The following GRIK1 variants were observed in gnomAD, a reference collection of about 807,000 sequenced individuals.
The protein encoded by GRIK1 is glutamate ionotropic receptor kainate type subunit 1.
GRIK1 carries 69 observed loss-of-function variants against 105.7 expected under a neutral mutation model. The ratio of observed to expected loss-of-function variants is 0.65; its 90% CI spans 0.54 to 0.80. The LOEUF is 0.80. GRIK1 is among the 30% of genes least tolerant of loss of function. The probability of loss-of-function intolerance (pLI) is 0.00; values close to 1 mark genes in which losing one functional copy is unlikely to be tolerated. For synonymous variants in GRIK1, 438 were observed against 431.3 expected (o/e 1.02, Z -0.19); for missense variants, 1,109 against 1,167.3 (o/e 0.95, Z 0.73).
intron 1 of GRIK1, among the ~76,000 whole-genome samples, chr21:29,763,358 C>T (rs1042632098): frequency 8.7e-6 from 1 of 114,472 alleles, no homozygotes; most frequent in African/African-American, 3.5e-5. Flanking sequence ...GTTCATTAAA[C>T]CTCTTTTCTT....
At chr21:29,620,115 A>G (rs527283621) in intron 7 of GRIK1, among the ~76,000 whole-genome samples, 1 of 152,324 alleles carries the variant, frequency 6.6e-6, no homozygotes, top group African/African-American at 2.4e-5. Flanking sequence ...AGGCTAGTAT[A>G]AAGCCTATGA....
intron 4 of GRIK1, chr21:29,657,792 A>C (rs1223920761): frequency 6.6e-6 from 1 of 152,242 alleles, no homozygotes; most frequent in Non-Finnish European, 1.5e-5. Context: ...CCTGTCGTCT[A>C]ATTGTCGCAT....
chr21:29,812,655 GC>G (rs1175644005), intron 1 of GRIK1, among the ~76,000 whole-genome samples: 3 of 152,068 alleles, frequency 2.0e-5, no homozygotes, highest in African/African-American at 7.2e-5. Context: ...ATAACAACTA[GC>G]ATCAAGCATC....
At chr21:29,668,009 G>A (rs185303739) in intron 4 of GRIK1, among the ~76,000 whole-genome samples, 8 of 152,322 alleles carry the variant, frequency 5.3e-5, no homozygotes, top group Non-Finnish European at 1.2e-4. Context: ...TGGCAGAGAT[G>A]AGAGTATAGC....
rs552352945 is a variant in GRIK1 at position 29,684,795 on chromosome 21, C to T, written c.544+4933G>A. Among the ~76,000 whole-genome samples the T allele has an allele frequency of 2.6e-5, 4 of 152,340 alleles. No homozygotes were observed. The South Asian group carries it at 8.3e-4, about 32-fold the overall frequency. ...AAAGTGCTGGGATTATAGGCGTGAG[C>T]CACCACACCCGGCTGCAAAAACGCA... On this transcript the variant is annotated intron_variant, in intron 3 of 17. Coordinates refer to ENST00000327783, the MANE Select transcript of GRIK1 (RefSeq NM_001330994.2).
chr21:29,560,562 T>C (rs189266456), intron 15 of GRIK1, among the ~76,000 whole-genome samples: 20 of 119,564 alleles, frequency 1.7e-4, no homozygotes, highest in African/African-American at 5.5e-4. Flanking sequence ...CTTTCTTTCT[T>C]TCTTTCTTTC....
intron 7 of GRIK1, among the ~76,000 whole-genome samples, chr21:29,629,829 T>C (rs1412673216): frequency 1.3e-5 from 2 of 152,014 alleles, no homozygotes; most frequent in African/African-American, 4.8e-5. Context: ...AGAATGAAGG[T>C]AGTAAAGTTT....
At chr21:29,602,648 C>G (rs924572666) in intron 7 of GRIK1, among the ~76,000 whole-genome samples, 2 of 152,172 alleles carry the variant, frequency 1.3e-5, no homozygotes, top group Admixed American at 6.5e-5. Context: ...AGCAAAGATT[C>G]ATGTGCTGGG....
intron 14 of GRIK1, among the ~76,000 whole-genome samples, chr21:29,574,641 A>T (rs2090838890): frequency 6.6e-6 from 1 of 152,024 alleles, no homozygotes; most frequent in Non-Finnish European, 1.5e-5. Flanking sequence ...AAGAAGAAAC[A>T]ATCACCATGC....
intron 1 of GRIK1, among the ~76,000 whole-genome samples, chr21:29,924,805 G>A (rs2071305656): frequency 6.6e-6 from 1 of 151,956 alleles, no homozygotes; most frequent in South Asian, 2.1e-4. Context: ...TACCTTATTT[G>A]GGTTTCTTAA....
rs577488234 is a variant in GRIK1 at position 29,646,960 on chromosome 21, T to C, written c.955-3991A>G. Among the ~76,000 whole-genome samples, 26 of 152,076 alleles carry C rather than the reference T, an allele frequency of 1.7e-4. No homozygotes were observed. The East Asian group carries it at 2.3e-3, about 14-fold the overall frequency. ...TCCCTGGTTCAAGCGATTCTCCTGC[T>C]TCAGCCTCCTGAGTAGCTGGGATTA... is the stretch of plus-strand genomic sequence containing the variant. On this transcript the variant is annotated intron_variant, in intron 6 of 17. Transcript: ENST00000327783.
intron 1 of GRIK1, among the ~76,000 whole-genome samples, chr21:29,826,062 T>C (rs2067446968): frequency 6.6e-6 from 1 of 152,120 alleles, no homozygotes; most frequent in Admixed American, 6.6e-5. Flanking sequence ...AAAAGTGTAA[T>C]GCACAGAGCT....
intron 1 of GRIK1, among the ~76,000 whole-genome samples, chr21:29,873,588 T>C (rs1200995743): frequency 6.6e-6 from 1 of 152,224 alleles, no homozygotes; most frequent in African/African-American, 2.4e-5. Context: ...TTTATGATTA[T>C]ATTGTTCTTC....
intron 7 of GRIK1, among the ~76,000 whole-genome samples, chr21:29,628,214 C>T (rs74976102): frequency 7.2e-5 from 11 of 152,054 alleles, no homozygotes; most frequent in Admixed American, 7.2e-4. Flanking sequence ...GAAGTATACA[C>T]AATAATGGTG....
intron 16 of GRIK1, chr21:29,553,147 G>A (rs1368844704): frequency 1.2e-6 from 1 of 860,844 alleles, no homozygotes; most frequent in Non-Finnish European, 1.4e-6. Context: ...GAGACAGGGA[G>A]AAGAAAAGAG....
chr21:29,581,284 G>T (rs2091018169), intron 13 of GRIK1, 141 bp downstream of exon 13: 6 of 636,220 alleles, frequency 9.4e-6, no homozygotes, highest in Admixed American at 2.6e-5. Context: ...TTCAAAACCG[G>T]CTAGAAAGTC....
intron 1 of GRIK1, among the ~76,000 whole-genome samples, chr21:29,869,296 A>G (rs900683200): frequency 2.0e-5 from 3 of 152,186 alleles, no homozygotes; most frequent in African/African-American, 7.2e-5. Context: ...AGGGCCATTA[A>G]ATTATGCAAC....
intron 1 of GRIK1, among the ~76,000 whole-genome samples, chr21:29,841,503 GATCTTC>G (rs1320283758): frequency 6.6e-6 from 1 of 152,120 alleles, no homozygotes; most frequent in Non-Finnish European, 1.5e-5. Flanking sequence ...TAATAAGTGT[GATCTTC>G]CCTATTCACT....
At chr21:29,921,994 G>A (rs465566) in intron 1 of GRIK1, among the ~76,000 whole-genome samples, 33,571 of 151,946 alleles carry the variant, frequency 0.22, 4,213 homozygotes, top group African/African-American at 0.34. Flanking sequence ...TGATACTATT[G>A]TTTTGTAAAT....
Sources: gnomAD v4.1 joint callset for allele counts (sites outside exome capture counted in the v4.1 genomes callset) on GRCh38, gnomAD v4.1.1 for gene constraint, MANE v1.5 for transcripts, NCBI Gene and HGNC (gene_info 2026-07-23, HGNC 2026-07-21) for gene names.